The following SHQ1 variants were observed in gnomAD, a reference collection of about 807,000 sequenced individuals.
SHQ1 encodes the protein protein SHQ1 homolog.
SHQ1 carries 49 observed loss-of-function variants against 53.8 expected under a neutral mutation model. The ratio of observed to expected loss-of-function variants is 0.91; its 90% CI spans 0.72 to 1.16. The LOEUF (loss-of-function observed/expected upper bound fraction) is 1.16, where lower values mean the gene tolerates loss of function less well. SHQ1 is among the 50% of genes most tolerant of loss of function. SHQ1 has a pLI of 0.00. For synonymous variants in SHQ1, 243 were observed against 251.0 expected (o/e 0.97, Z 0.30); for missense variants, 738 against 683.1 (o/e 1.08, Z -0.90).
In SHQ1 at chr3:72,812,782, C is replaced by T. The variant is rs1334427178; in HGVS notation, c.949G>A (p.Val317Ile). ...CCAAAAGACACCATGATATCATGAA[C>T]GTTAGTCCAAGTCTGTGAAGTGTCA... ...TLCWFETWTN[V>I]HDIMVSFGRR... The change falls in exon 9 of 11, where the codon GTT (valine) becomes ATT (isoleucine). Residue 317 changes from valine (V) to isoleucine (I), a missense_variant. Coordinates refer to ENST00000325599, the MANE Select transcript of SHQ1 (RefSeq NM_018130.3). 4 of 1,613,910 alleles carry T rather than the reference C, an allele frequency of 2.5e-6. No individual in the cohort carries two copies. The highest frequency in any genetic ancestry group is 3.4e-6 in the Non-Finnish European group (4 of 1,179,942).
At chr3:72,733,918 A>G in the SHQ1 span, among the ~76,000 whole-genome samples, 1 of 151,580 alleles carries the variant, frequency 6.6e-6, no homozygotes, top group African/African-American at 2.4e-5. Context: ...GGTTGTAGTC[A>G]GGACTAGATA....
chr3:72,848,381 T>C lies in SHQ1; in HGVS notation c.-41A>G. The C allele has an allele frequency of 1.2e-6, 2 of 1,606,638 alleles. No individual in the cohort carries two copies. The highest frequency in any genetic ancestry group is 1.7e-6 in the Non-Finnish European group (2 of 1,176,076). ...AAGGGCCGGCGCCGCTCGCTCTCACTGCCGCCGCGTTCCCGCCACGCAAAC... is the reference window on the plus strand; with the variant it reads ...AAGGGCCGGCGCCGCTCGCTCTCACCGCCGCCGCGTTCCCGCCACGCAAAC... On this transcript the variant is annotated 5_prime_UTR_variant, in exon 1 of 11. Coordinates refer to ENST00000325599, the MANE Select transcript of SHQ1 (RefSeq NM_018130.3).
chr3:72,810,518 C>T (rs1032131605), intron 9 of SHQ1, among the ~76,000 whole-genome samples: 11 of 152,190 alleles, frequency 7.2e-5, no homozygotes, highest in African/African-American at 2.7e-4. Flanking sequence ...ATCAATCCTT[C>T]TTTGGAGCCA....
At chr3:72,765,546 T>A (rs1705703857) in intron 10 of SHQ1, among the ~76,000 whole-genome samples, 1 of 98,502 alleles carries the variant, frequency 1.0e-5, no homozygotes. Context: ...TATATATATA[T>A]ATATATATAT....
At chr3:72,806,963 A>G (rs75337561) in intron 9 of SHQ1, among the ~76,000 whole-genome samples, 142 of 152,320 alleles carry the variant, frequency 9.3e-4, no homozygotes, top group African/African-American at 3.2e-3. Context: ...CACGTCCCCA[A>G]ATACAGCCCA....
chr3:72,808,616 AAG>A (rs754437859), intron 9 of SHQ1, among the ~76,000 whole-genome samples: 5 of 152,198 alleles, frequency 3.3e-5, no homozygotes, highest in Non-Finnish European at 5.9e-5. Context: ...TGGCACACAG[AAG>A]GTAGCTAACA....
chr3:72,784,922 G>A (rs925439890), intron 10 of SHQ1, among the ~76,000 whole-genome samples: 7 of 152,154 alleles, frequency 4.6e-5, no homozygotes, highest in African/African-American at 1.7e-4. Flanking sequence ...TCTTCTTGAG[G>A]TGGCTGTATG....
chr3:72,765,546 TATATATA>T, intron 10 of SHQ1, among the ~76,000 whole-genome samples: 2 of 98,458 alleles, frequency 2.0e-5, no homozygotes, highest in African/African-American at 1.3e-4. Flanking sequence ...TATATATATA[TATATATA>T]TATATTTTTT....
At chr3:72,731,411 C>T in the SHQ1 span, among the ~76,000 whole-genome samples, 46 of 151,478 alleles carry the variant, frequency 3.0e-4, no homozygotes, top group Admixed American at 6.6e-5. Context: ...TTGGGCTGGG[C>T]GCGGTGGCAC....
At chr3:72,798,269 G>C (rs879450402) in intron 9 of SHQ1, among the ~76,000 whole-genome samples, 1 of 152,166 alleles carries the variant, frequency 6.6e-6, no homozygotes, top group African/African-American at 2.4e-5. Flanking sequence ...GCTCTCTCCA[G>C]GACGTTAAAT....
At chr3:72,777,397 A>T (rs1036901844) in intron 10 of SHQ1, among the ~76,000 whole-genome samples, 2 of 152,244 alleles carry the variant, frequency 1.3e-5, no homozygotes, top group Non-Finnish European at 2.9e-5. Context: ...ATAGACAGAC[A>T]TTTCATAGTA....
intron 10 of SHQ1, among the ~76,000 whole-genome samples, chr3:72,779,779 G>A (rs368863531): frequency 6.6e-6 from 1 of 152,194 alleles, no homozygotes. Context: ...GCCTCAAGAG[G>A]AGAGCCCACC....
chr3:72,751,357 T>C (rs969680514), intron 10 of SHQ1, among the ~76,000 whole-genome samples: 10 of 151,658 alleles, frequency 6.6e-5, no homozygotes, highest in African/African-American at 2.2e-4. Flanking sequence ...GAGGTGGAGG[T>C]TGCAGTGAGC....
rs367696739 is a variant in SHQ1, at chr3:72,838,563, G to A, written c.486+2482C>T. Among the ~76,000 whole-genome samples, 99 of 152,228 alleles carry A rather than the reference G, an allele frequency of 6.5e-4. 1 individual carries two copies. In the East Asian group the frequency reaches 0.016, roughly 25 times the overall value. The stretch of plus-strand genomic sequence containing the variant: ...CCCAGACTGGATGGAGTGCAGTGGC[G>A]CAATCTCGGCTCCCTGCAACCTCTG... On this transcript the variant is annotated intron_variant, in intron 4 of 10. Transcript: ENST00000325599.
intron 5 of SHQ1, among the ~76,000 whole-genome samples, chr3:72,830,417 T>C (rs1707791218): frequency 6.6e-6 from 1 of 152,082 alleles, no homozygotes; most frequent in Non-Finnish European, 1.5e-5. Context: ...GTATTACATG[T>C]GTATATCACA....
At chr3:72,728,439 T>C in the SHQ1 span, among the ~76,000 whole-genome samples, 2 of 152,220 alleles carry the variant, frequency 1.3e-5, no homozygotes, top group Admixed American at 6.5e-5. Flanking sequence ...GAGGCAGCTA[T>C]AGACACATCC....
intron 6 of SHQ1, among the ~76,000 whole-genome samples, chr3:72,818,250 G>A (rs987228663): frequency 6.6e-6 from 1 of 151,966 alleles, no homozygotes; most frequent in Non-Finnish European, 1.5e-5. Context: ...TTTTGTAAAG[G>A]AGTATAATAT....
chr3:72,748,412 C>T (rs1218048024), downstream of SHQ1, among the ~76,000 whole-genome samples: 4 of 148,868 alleles, frequency 2.7e-5, no homozygotes, highest in East Asian at 4.0e-4. Flanking sequence ...CTCAAACTGC[C>T]GGGCGTGGTC....
chr3:72,760,787 A>G (rs941160901), intron 10 of SHQ1, among the ~76,000 whole-genome samples: 1 of 152,220 alleles, frequency 6.6e-6, no homozygotes, highest in Non-Finnish European at 1.5e-5. Flanking sequence ...GAAAAATACA[A>G]TGTGGAGCTA....
Sources: gnomAD v4.1 joint callset for allele counts (sites outside exome capture counted in the v4.1 genomes callset) on GRCh38, gnomAD v4.1.1 for gene constraint, MANE v1.5 for transcripts, NCBI Gene and HGNC (gene_info 2026-07-23, HGNC 2026-07-21) for gene names.